Variants in SRP54 observed in about 807,000 individuals in gnomAD.
SRP54 encodes the protein signal recognition particle 54.
Under a neutral mutation model 64.8 loss-of-function variants are expected in SRP54, and 10 were observed. The ratio of observed to expected loss-of-function variants is 0.15; its 90% CI spans 0.10 to 0.26. The LOEUF (loss-of-function observed/expected upper bound fraction) is 0.26. Ranked by LOEUF, SRP54 falls within the 10% of genes least tolerant of loss-of-function variation. The pLI is 1.00. For missense variants in SRP54, 325 were observed against 613.7 expected, an observed-to-expected ratio of 0.53 and a Z score of 4.97; for synonymous variants, 193 against 185.6, an observed-to-expected ratio of 1.04 and a Z score of -0.32.
chr14:35,017,359 C>T (rs1417973108), intron 11 of SRP54, among the ~76,000 whole-genome samples: 2 of 152,122 alleles, frequency 1.3e-5, no homozygotes, highest in Non-Finnish European at 2.9e-5. Flanking sequence ...TCTTGTTTTC[C>T]TTGGTTCCTA....
chr14:34,994,409 T>C, intron 1 of SRP54, among the ~76,000 whole-genome samples: 1 of 152,212 alleles, frequency 6.6e-6, no homozygotes, highest in East Asian at 1.9e-4. Flanking sequence ...CCAAAACAGT[T>C]GTTTTGAAGA....
intron 1 of SRP54, among the ~76,000 whole-genome samples, chr14:34,987,965 G>T (rs922469287): frequency 6.6e-6 from 1 of 151,926 alleles, no homozygotes; most frequent in African/African-American, 2.4e-5. Flanking sequence ...TTTACTCCCC[G>T]CCAAAACCAT....
At chr14:34,999,449 G>A (rs1290389914) in intron 2 of SRP54, 109 bp from the exon 3 acceptor site, 6 of 698,336 alleles carry the variant, frequency 8.6e-6, no homozygotes, top group South Asian at 1.8e-5. Context: ...GAAAAACCCA[G>A]TAGTGTGGTA....
intron 8 of SRP54, among the ~76,000 whole-genome samples, chr14:35,012,983 G>A (rs1050225446): frequency 8.0e-6 from 1 of 125,286 alleles, no homozygotes; most frequent in African/African-American, 3.0e-5. Flanking sequence ...CACTCTTGTC[G>A]CCCAGGCTGG....
At chr14:35,011,462 T>G (rs2044356908) in intron 7 of SRP54, 47 bp from the exon 8 acceptor site, 1 of 1,346,470 alleles carries the variant, frequency 7.4e-7, no homozygotes, top group South Asian at 2.3e-5. Context: ...ATTAGTAGTA[T>G]TTGGAAGTTT....
intron 4 of SRP54, among the ~76,000 whole-genome samples, chr14:35,006,676 A>G (rs1258006500): frequency 6.6e-6 from 1 of 152,162 alleles, no homozygotes; most frequent in African/African-American, 2.4e-5. Context: ...TGTAGTGCTG[A>G]TGTAGATTCC....
chr14:35,002,298 G>A, intron 4 of SRP54, among the ~76,000 whole-genome samples: 1 of 152,060 alleles, frequency 6.6e-6, no homozygotes, highest in Admixed American at 6.6e-5. Context: ...GGGGTGCAGT[G>A]AGCCGTGATT....
At chr14:35,027,867 C>T (rs754815798) in intron 14 of SRP54, 1 of 323,278 alleles carries the variant, frequency 3.1e-6, no homozygotes, top group Non-Finnish European at 5.6e-6. Context: ...TTTTATATGT[C>T]CTTTTATATA....
intron 5 of SRP54, among the ~76,000 whole-genome samples, chr14:35,008,048 T>C (rs2044295589): frequency 6.6e-6 from 1 of 152,160 alleles, no homozygotes; most frequent in South Asian, 2.1e-4. Context: ...CTTTATCCTC[T>C]ATGGCTCAGG....
rs771241246 is a variant in SRP54 at position 34,996,732 on chromosome 14, G to T, written c.23G>T (p.Arg8Ile). The T allele has an allele frequency of 1.2e-6, 2 of 1,613,472 alleles. No individual in the cohort carries two copies. The highest frequency in any genetic ancestry group is 3.3e-5 in the Admixed American group (2 of 60,006). The change falls in exon 2 of 16, where the codon AGA becomes ATA. Residue 8 changes from arginine (R) to isoleucine (I), a missense_variant. Arg to Ile is a moderately conservative substitution (Grantham distance 97). Around this residue, in one of 3 missense-constraint regions of SRP54, gnomAD observed 156 missense variants for 254.6 expected, o/e 0.61. Transcript: ENST00000216774. Reference protein sequence around the residue: MVLADLGRKITSALRSLS... With the variant: MVLADLGIKITSALRSLS... The stretch of plus-strand genomic sequence containing the variant: ...AAGATGGTTCTAGCAGACCTTGGAA[G>T]AAAAATAACATCAGCATTACGCTCG...
chr14:35,023,732 C>T (rs1413583257), intron 14 of SRP54, among the ~76,000 whole-genome samples: 5 of 150,114 alleles, frequency 3.3e-5, no homozygotes, highest in East Asian at 2.0e-4. Flanking sequence ...TGCAGTGAGC[C>T]GAGATTGTAC....
In SRP54 at chr14:35,008,776, G is replaced by T; in HGVS notation, c.430G>T (p.Ala144Ser). 6.2e-7 allele frequency: 1 copy of T among 1,609,650 alleles called. No homozygotes were observed. The highest frequency in any genetic ancestry group is 1.1e-5 in the South Asian group (1 of 90,340). ...TTCATGAACTCTTTATCTTCCAGGG[G>T]CTTTTGACCAACTAAAACAGAATGC... Reference protein sequence around the residue: ...LICADTFRAGAFDQLKQNATK... With the variant: ...LICADTFRAGSFDQLKQNATK... The change falls in exon 7 of 16, where the codon GCT (alanine) becomes TCT (serine). Residue 144 changes from alanine (A) to serine (S), a missense_variant and splice_region_variant. Physicochemically the swap from Ala to Ser is moderately conservative, Grantham distance 99 (BLOSUM62 1). Transcript: ENST00000216774.
At chr14:35,012,755 C>T (rs866906649) in intron 8 of SRP54, among the ~76,000 whole-genome samples, 19 of 152,156 alleles carry the variant, frequency 1.2e-4, no homozygotes, top group Middle Eastern at 6.8e-3. Context: ...ATCCCATTTT[C>T]GTTGTTATAC....
At chr14:34,992,410 C>T (rs900398373) in intron 1 of SRP54, among the ~76,000 whole-genome samples, 6 of 151,980 alleles carry the variant, frequency 3.9e-5, no homozygotes, top group African/African-American at 1.4e-4. Context: ...TTTAAAACAA[C>T]CAGTTAACAT....
Position 35,022,974 on chromosome 14 carries a change from A to C in SRP54, c.1221A>C (p.Ala407=). Residue 407 remains alanine, a synonymous_variant, in exon 14 of 16, where the codon GCA becomes GCC. Coordinates refer to ENST00000216774, the MANE Select transcript of SRP54 (RefSeq NM_003136.4). ...SKQPGRIQRV[A]RGSGVSTRDV... Reference sequence around the variant, plus strand: ...AACCAGGAAGAATCCAAAGAGTAGCAAGAGGATCGGGTGTATCAACAAGAG... The same window carrying C: ...AACCAGGAAGAATCCAAAGAGTAGCCAGAGGATCGGGTGTATCAACAAGAG... 6.2e-7 allele frequency: 1 copy of C among 1,614,046 alleles called. No homozygotes were observed.
chr14:35,023,799 C>T lies in SRP54; in HGVS notation c.1327+719C>T, dbSNP rs2044575151. 4.0e-5 allele frequency among the ~76,000 whole-genome samples: 6 copies of T among 151,160 alleles called. No individual in the cohort carries two copies. The South Asian group carries it at 1.3e-3, about 32-fold the overall frequency. On this transcript the variant is annotated intron_variant, in intron 14 of 15. Coordinates refer to ENST00000216774, the MANE Select transcript of SRP54 (RefSeq NM_003136.4). ...ACTCCGGTCCCCAAACACACACACA[C>T]ACACACACACACACACACACACACT...
chr14:35,013,991 A>G, intron 10 of SRP54, 89 bp downstream of exon 10: 1 of 890,084 alleles, frequency 1.1e-6, no homozygotes, highest in Non-Finnish European at 1.8e-6. Context: ...GTCCTCACTA[A>G]TTTAAGCACA....
chr14:35,022,172 A>G (rs772427488), intron 13 of SRP54, among the ~76,000 whole-genome samples: 1 of 152,042 alleles, frequency 6.6e-6, no homozygotes, highest in Non-Finnish European at 1.5e-5. Flanking sequence ...CATTTTTTAA[A>G]TATACCATAT....
At chr14:34,999,687 T>C (rs12433712) in intron 3 of SRP54, 38 bp downstream of exon 3, 1 of 1,450,300 alleles carries the variant, frequency 6.9e-7, no homozygotes, top group Non-Finnish European at 9.7e-7. Context: ...AGGCACAGTT[T>C]AGTTTAGTTT....
Sources: allele counts gnomAD v4.1 joint callset (sites outside exome capture counted in the v4.1 genomes callset), GRCh38; gene constraint gnomAD v4.1.1; regional missense constraint gnomAD v4.1.1; transcripts MANE v1.5; gene names NCBI Gene and HGNC (gene_info 2026-07-23, HGNC 2026-07-21).